The following PDPR variants were observed in gnomAD, a reference collection of about 807,000 sequenced individuals.
PDPR encodes the protein pyruvate dehydrogenase phosphatase regulatory subunit, also known as pyruvate dehydrogenase phosphatase regulatory subunit, mitochondrial.
Under a neutral mutation model 102.2 loss-of-function variants are expected in PDPR, and 50 were observed. The ratio of observed to expected loss-of-function variants is 0.49; its 90% CI spans 0.39 to 0.62. The LOEUF (loss-of-function observed/expected upper bound fraction) is 0.62. Ranked by LOEUF, PDPR falls within the 20% of genes least tolerant of loss-of-function variation. PDPR has a pLI of 0.00. For missense variants in PDPR, 625 were observed against 1,098.2 expected, an observed-to-expected ratio of 0.57 and a Z score of 6.09; for synonymous variants, 259 against 406.0, an observed-to-expected ratio of 0.64 and a Z score of 4.35.
In PDPR at chr16:70,153,504, G is replaced by T. The variant is rs1966850736; in HGVS notation, c.2166G>T (p.Trp722Cys). ...SLRIEKFFAFWGQDINNLTTP... is the reference protein window; with the variant it reads ...SLRIEKFFAFCGQDINNLTTP... ...GAATTGAGAAGTTTTTTGCCTTCTGGGGTCAGGATATAAATAACCTCACCA... is the reference window on the plus strand; with the variant it reads ...GAATTGAGAAGTTTTTTGCCTTCTGTGGTCAGGATATAAATAACCTCACCA... Residue 722 changes from tryptophan to cysteine, a missense_variant, in exon 18 of 19, where the codon TGG becomes TGT. Around this residue, in one of 11 missense-constraint regions of PDPR, gnomAD observed 303 missense variants for 258.9 expected, o/e 1.17. Coordinates refer to ENST00000288050, the MANE Select transcript of PDPR (RefSeq NM_017990.5). 2 of 1,612,890 alleles carry T rather than the reference G, an allele frequency of 1.2e-6. No individual in the cohort carries two copies. The highest frequency in any genetic ancestry group is 2.2e-5 in the East Asian group (1 of 44,838).
chr16:70,156,051 A>G (rs1967140499), intron 18 of PDPR, among the ~76,000 whole-genome samples: 1 of 152,166 alleles, frequency 6.6e-6, no homozygotes, highest in African/African-American at 2.4e-5. Flanking sequence ...CACCACACCC[A>G]GCTTATTTTT....
rs1967770322 is a variant in PDPR at position 70,161,324 on chromosome 16, A to G, written c.*4445A>G. ...AATCTAAGATAGAGGTTTGGTCAAC[A>G]GTGCTTAATAATAAATAAGAACCTC... On this transcript the variant is annotated 3_prime_UTR_variant, in exon 19 of 19. Transcript: ENST00000288050. The G allele has an allele frequency of 6.6e-6, 1 of 152,648 alleles. No individual in the cohort carries two copies. 9.5% of individuals were successfully genotyped at this position (152,648 alleles called of 1,614,324 possible). A position where few individuals can be genotyped will look rare whatever the true frequency, so the allele number is the denominator to read the frequency against.
chr16:70,120,661 G>A lies in PDPR; in HGVS notation c.169G>A (p.Val57Met). 6.2e-7 allele frequency: 1 copy of A among 1,613,926 alleles called. No individual in the cohort carries two copies. Among genetic ancestry groups the A allele is most frequent in the Non-Finnish European group, 8.5e-7 (1 of 1,179,828 alleles). The change falls in exon 3 of 19, where the codon GTG becomes ATG. Residue 57 changes from valine to methionine, a missense_variant. Transcript: ENST00000288050. Reference protein sequence around the residue: ...ICGGGITGTSVAYHLSKMGWK... With the variant: ...ICGGGITGTSMAYHLSKMGWK... ...TGGAGGTGGAATCACGGGCACTTCT[G>A]TGGCCTATCACCTCTCCAAAATGGG...
Position 70,142,603 on chromosome 16 carries a change from G to C in PDPR, c.1522G>C (p.Asp508His). The C allele has an allele frequency of 6.2e-7, 1 of 1,614,082 alleles. No homozygotes were observed. The highest frequency in any genetic ancestry group is 8.5e-7 in the Non-Finnish European group (1 of 1,179,912). ...SKTFYKPDWF[D>H]IVESEVKCCK... ...GACTTTCTATAAGCCAGATTGGTTT[G>C]ACATCGTGGAGTCTGAAGTCAAGTG... Residue 508 changes from aspartate (D) to histidine (H), a missense_variant, in exon 13 of 19, where the codon GAC (aspartate) becomes CAC (histidine). By Grantham distance (81) the Asp-to-His change is moderately conservative. Coordinates refer to ENST00000288050, the MANE Select transcript of PDPR (RefSeq NM_017990.5).
intron 17 of PDPR, among the ~76,000 whole-genome samples, chr16:70,150,544 T>G (rs1020516736): frequency 2.0e-5 from 3 of 152,080 alleles, no homozygotes; most frequent in Admixed American, 6.6e-5. Context: ...TTTTTTTTTT[T>G]TGTGAGACAG....
At chr16:70,142,963 A>G (rs1965882412) in intron 13 of PDPR, among the ~76,000 whole-genome samples, 1 of 152,262 alleles carries the variant, frequency 6.6e-6, no homozygotes, top group Non-Finnish European at 1.5e-5. Context: ...TGGGAGGCCG[A>G]GACGGGTGGA....
At position 70,160,208 on chromosome 16, in the gene PDPR, C is replaced by T. The variant is rs1967650104; in HGVS notation, c.*3329C>T. 1 of 152,550 alleles carries T rather than the reference C, an allele frequency of 6.6e-6. No homozygotes were observed. The highest frequency in any genetic ancestry group is 2.4e-5 in the African/African-American group (1 of 41,372). 9.4% of individuals were successfully genotyped at this position (152,550 alleles called of 1,614,324 possible). A position where few individuals can be genotyped will look rare whatever the true frequency, so the allele number is the denominator to read the frequency against. ...CGTCAGGCCACGTGTGACTTCTGTT[C>T]TTAGCACTGCCAGGGTCATTGACTT... On this transcript the variant is annotated 3_prime_UTR_variant, in exon 19 of 19. Transcript: ENST00000288050.
At position 70,140,600 on chromosome 16, in the gene PDPR, C is replaced by G. The variant is rs1156783338; in HGVS notation, c.1315+1577C>G. Among the ~76,000 whole-genome samples, 14 of 152,312 alleles carry G rather than the reference C, an allele frequency of 9.2e-5. No individual in the cohort carries two copies. The East Asian group carries it at 2.7e-3, about 29-fold the overall frequency. ...TTGGGAGGCTGAGGCAGGCGGATCA[C>G]TTGAGGTCAGGAGGTCTGGCCTGAC... On this transcript the variant is annotated intron_variant, in intron 11 of 18. Coordinates refer to ENST00000288050, the MANE Select transcript of PDPR (RefSeq NM_017990.5).
intron 7 of PDPR, 82 bp downstream of exon 7, chr16:70,130,626 G>A (rs1964447429): frequency 3.9e-6 from 6 of 1,554,118 alleles, no homozygotes; most frequent in Admixed American, 1.7e-5. Flanking sequence ...GATTAGTATT[G>A]TGATTGGTTA....
At chr16:70,116,655 G>A (rs1253577800) in intron 2 of PDPR, among the ~76,000 whole-genome samples, 1 of 150,646 alleles carries the variant, frequency 6.6e-6, no homozygotes, top group Non-Finnish European at 1.5e-5. Context: ...ATGCAATGGT[G>A]GCCGCACCAT....
Position 70,156,742 on chromosome 16 carries a change from A to G in PDPR, c.2503A>G (p.Ile835Val). ...AGAGCAAGTGGTGACAGCAGATTTC[A>G]TCAACCGGGGAGAGTATGAGATTGA... ...GEEQVVTADF[I>V]NRGEYEIDIA... Residue 835 changes from isoleucine (I) to valine (V), a missense_variant, in exon 19 of 19, where the codon ATC becomes GTC. By Grantham distance (29) the Ile-to-Val change is conservative. Around this residue, in one of 11 missense-constraint regions of PDPR, gnomAD observed 303 missense variants for 258.9 expected, o/e 1.17. Coordinates refer to ENST00000288050, the MANE Select transcript of PDPR (RefSeq NM_017990.5). 6.2e-7 allele frequency: 1 copy of G among 1,614,106 alleles called. No homozygotes were observed. Among genetic ancestry groups the G allele is most frequent in the South Asian group, 1.1e-5 (1 of 91,090 alleles).
At chr16:70,154,104 C>T (rs901572045) in intron 18 of PDPR, among the ~76,000 whole-genome samples, 8 of 152,202 alleles carry the variant, frequency 5.3e-5, no homozygotes, top group Non-Finnish European at 8.8e-5. Context: ...TGCAGTGAGC[C>T]GAGATCACGC....
intron 2 of PDPR, among the ~76,000 whole-genome samples, chr16:70,117,284 G>A (rs1943272011): frequency 1.6e-5 from 2 of 126,804 alleles, no homozygotes; most frequent in South Asian, 4.6e-4. Flanking sequence ...GGAGGCCAAG[G>A]CAGGCGGATC....
In PDPR at chr16:70,157,004, TG is replaced by T; in HGVS notation, c.*126del. ...CTTTGCCTCCCATCTCTTATCTCCT[TG>T]ATATAATTTTGAACTTGACCTACTT... On this transcript the variant is annotated 3_prime_UTR_variant, in exon 19 of 19. Transcript: ENST00000288050. 1 of 1,379,738 alleles carries T rather than the reference TG, an allele frequency of 7.2e-7. No individual in the cohort carries two copies. Among genetic ancestry groups the T allele is most frequent in the Non-Finnish European group, 1.0e-6 (1 of 996,976 alleles). The allele number at this position is 1,379,738 out of a possible 1,614,324, so 85.5% of individuals were successfully genotyped here. A position where few individuals can be genotyped will look rare whatever the true frequency, so the allele number is the denominator to read the frequency against.
At chr16:70,156,380 T>C (rs1967193383) in intron 18 of PDPR, 95 bp from the exon 19 acceptor site, 3 of 1,452,884 alleles carry the variant, frequency 2.1e-6, no homozygotes, top group African/African-American at 1.4e-5. Context: ...CTGTGCCCCA[T>C]TGCAGTGACA....
intron 16 of PDPR, chr16:70,147,744 C>T: frequency 2.7e-6 from 1 of 363,974 alleles, no homozygotes; most frequent in Middle Eastern, 6.0e-4. Context: ...TCACAGTTTT[C>T]CTTCTTCTCC....
intron 16 of PDPR, among the ~76,000 whole-genome samples, 172 bp downstream of exon 16, chr16:70,146,400 C>G (rs1966245189): frequency 6.6e-6 from 1 of 150,404 alleles, no homozygotes; most frequent in African/African-American, 2.4e-5. Flanking sequence ...AGGTGGATCA[C>G]CCAAAGTCAG....
intron 10 of PDPR, among the ~76,000 whole-genome samples, chr16:70,138,305 G>A (rs1276611067): frequency 1.4e-5 from 2 of 144,410 alleles, no homozygotes; most frequent in Non-Finnish European, 3.0e-5. Context: ...TGCAACCTCT[G>A]CCTCCCAGGT....
chr16:70,119,265 G>A (rs1962969753), intron 2 of PDPR, among the ~76,000 whole-genome samples: 1 of 152,022 alleles, frequency 6.6e-6, no homozygotes, highest in Non-Finnish European at 1.5e-5. Context: ...AGTCAACTCT[G>A]TTTTTCTTAT....
Sources: gnomAD v4.1 joint callset for allele counts (sites outside exome capture counted in the v4.1 genomes callset) on GRCh38, gnomAD v4.1.1 for gene constraint, gnomAD v4.1.1 regional missense constraint, MANE v1.5 for transcripts, NCBI Gene and HGNC (gene_info 2026-07-23, HGNC 2026-07-21) for gene names.